Variants in CADPS observed in about 807,000 individuals in gnomAD.
CADPS encodes the protein calcium-dependent secretion activator 1.
A neutral mutation model predicts 167.3 loss-of-function variants in CADPS; 57 were observed. That is an observed-to-expected ratio of 0.34 (90% CI 0.28 to 0.42). CADPS has a LOEUF of 0.42. CADPS is among the 20% of genes least tolerant of loss of function. CADPS has a pLI of 1.00. For missense variants in CADPS, 1,414 were observed against 1,738.1 expected, an observed-to-expected ratio of 0.81 and a Z score of 3.32; for synonymous variants, 676 against 635.3, an observed-to-expected ratio of 1.06 and a Z score of -0.96.
chr3:62,837,378 C>T (rs2076044425), intron 1 of CADPS, among the ~76,000 whole-genome samples: 1 of 152,182 alleles, frequency 6.6e-6, no homozygotes. Context: ...CTCCCACTGA[C>T]CTCACAGGAC....
chr3:62,820,460 C>T (rs748772334), intron 1 of CADPS, among the ~76,000 whole-genome samples: 30 of 152,092 alleles, frequency 2.0e-4, no homozygotes, highest in Admixed American at 3.3e-4. Flanking sequence ...CTCCCTCAGT[C>T]CTATATTTTA....
chr3:62,516,231 T>C, intron 15 of CADPS, 49 bp from the exon 16 acceptor site: 1 of 1,606,628 alleles, frequency 6.2e-7, no homozygotes. Flanking sequence ...AGCAAATGTG[T>C]CACTCATCCA....
chr3:62,812,718 AG>A (rs2094444190), intron 1 of CADPS, among the ~76,000 whole-genome samples: 1 of 152,220 alleles, frequency 6.6e-6, no homozygotes, highest in Non-Finnish European at 1.5e-5. Flanking sequence ...AAGCTCTTTT[AG>A]GAAATTGATG....
At position 62,711,182 on chromosome 3, in the gene CADPS, A is replaced by G. The variant is rs151275613; in HGVS notation, c.888+42259T>C. ...GGCATCCAATTCTATTGATATACATATATCAGAATAATTTTAAACATCATT... is the reference window on the plus strand; with the variant it reads ...GGCATCCAATTCTATTGATATACATGTATCAGAATAATTTTAAACATCATT... On this transcript the variant is annotated intron_variant, in intron 3 of 29. Coordinates refer to ENST00000383710, the MANE Select transcript of CADPS (RefSeq NM_003716.4). Among the ~76,000 whole-genome samples the G allele has an allele frequency of 5.9e-5, 9 of 152,326 alleles. No individual in the cohort carries two copies. The East Asian group carries it at 1.5e-3, about 26-fold the overall frequency.
intron 21 of CADPS, 29 bp downstream of exon 21, chr3:62,491,310 T>G: frequency 6.2e-7 from 1 of 1,611,132 alleles, no homozygotes; most frequent in Non-Finnish European, 8.5e-7. Flanking sequence ...GTACCCAAAC[T>G]CCGATGGTAT....
At chr3:62,867,753 TAAC>T (rs1016302718) in intron 1 of CADPS, among the ~76,000 whole-genome samples, 2 of 152,032 alleles carry the variant, frequency 1.3e-5, no homozygotes, top group African/African-American at 4.8e-5. Context: ...AACTTAGCAA[TAAC>T]AAGAGCTGAC....
chr3:62,755,755 G>A (rs2083748042), intron 2 of CADPS, among the ~76,000 whole-genome samples: 2 of 152,158 alleles, frequency 1.3e-5, no homozygotes, highest in African/African-American at 4.8e-5. Context: ...GAGTTAATTT[G>A]AAAATTAATT....
intron 1 of CADPS, among the ~76,000 whole-genome samples, chr3:62,787,018 G>A (rs932334896): frequency 2.0e-5 from 3 of 152,080 alleles, no homozygotes; most frequent in Non-Finnish European, 4.4e-5. Flanking sequence ...CTCAAGCCGG[G>A]CATAGTGGCT....
rs757713715 is a variant in CADPS at position 62,650,895 on chromosome 3, A to G, written c.1155T>C (p.Ser385=). 6.2e-7 allele frequency: 1 copy of G among 1,613,534 alleles called. No individual in the cohort carries two copies. The change falls in exon 5 of 30, where the codon AGT becomes AGC. Residue 385 remains serine (S), a synonymous_variant. Transcript: ENST00000383710. ...NASIIDMGEE[S]ENQLSKSDVV... is the part of the protein sequence containing the mutation. ...CATCTGACTTGGAGAGCTGGTTCTC[A>G]CTCTCCTCGCCCATGTCGATGATGG...
intron 26 of CADPS, among the ~76,000 whole-genome samples, chr3:62,464,217 G>C (rs1332721216): frequency 6.6e-6 from 1 of 152,164 alleles, no homozygotes; most frequent in East Asian, 1.9e-4. Context: ...CTGAGGGGAT[G>C]GGACATTTGC....
Position 62,626,495 on chromosome 3 carries a change from G to A in CADPS, c.1325+19227C>T. On this transcript the variant is annotated intron_variant, in intron 6 of 29. Transcript: ENST00000383710. ...CAAGCACAAATCTTGTACCCCTGGA[G>A]ATGATTTGACATGGCACAAAGACGG... 2 of 702,602 alleles carry A rather than the reference G, an allele frequency of 2.8e-6. 1 individual carries two copies. Among genetic ancestry groups the A allele is most frequent in the Non-Finnish European group, 5.2e-6 (2 of 384,552 alleles). The allele number at this position is 702,602 out of a possible 1,614,324, so 43.5% of individuals were successfully genotyped here. A position where few individuals can be genotyped will look rare whatever the true frequency, so the allele number is the denominator to read the frequency against.
intron 3 of CADPS, among the ~76,000 whole-genome samples, chr3:62,707,441 C>G (rs1337870241): frequency 6.6e-6 from 1 of 152,088 alleles, no homozygotes; most frequent in Non-Finnish European, 1.5e-5. Context: ...ACCATTATAT[C>G]CATAACACTC....
At chr3:62,814,414 A>T (rs2094520715) in intron 1 of CADPS, 1 of 152,180 alleles carries the variant, frequency 6.6e-6, no homozygotes, top group East Asian at 1.9e-4. Context: ...CATATACTAA[A>T]ATTGGAAAGA....
At chr3:62,732,473 G>A (rs974172944) in intron 3 of CADPS, among the ~76,000 whole-genome samples, 3 of 152,184 alleles carry the variant, frequency 2.0e-5, no homozygotes, top group Non-Finnish European at 4.4e-5. Context: ...CAGCCTGTGA[G>A]AGACCCTGAA....
chr3:62,867,415 A>G (rs140178837), intron 1 of CADPS, among the ~76,000 whole-genome samples: 16 of 152,140 alleles, frequency 1.1e-4, no homozygotes, highest in Non-Finnish European at 1.5e-4. Context: ...AATATCTCCT[A>G]TGAATTCTAT....
intron 18 of CADPS, among the ~76,000 whole-genome samples, chr3:62,496,458 A>G (rs1344336852): frequency 6.6e-6 from 1 of 152,182 alleles, no homozygotes; most frequent in Non-Finnish European, 1.5e-5. Flanking sequence ...CGTTCTGTTT[A>G]TTCTGTTCAT....
chr3:62,855,779 C>T (rs2079560152), intron 1 of CADPS, among the ~76,000 whole-genome samples: 1 of 152,050 alleles, frequency 6.6e-6, no homozygotes, highest in Non-Finnish European at 1.5e-5. Flanking sequence ...CTCCTTAACA[C>T]ACAGCATATC....
intron 6 of CADPS, among the ~76,000 whole-genome samples, chr3:62,605,109 A>T (rs1424539688): frequency 1.3e-5 from 2 of 152,242 alleles, no homozygotes; most frequent in South Asian, 2.1e-4. Flanking sequence ...CAGAAGACTC[A>T]AAAGTTTACA....
rs772922375 is a variant in CADPS, at chr3:62,445,840, G to A, written c.3637-43C>T. 1.2e-5 allele frequency: 17 copies of A among 1,417,522 alleles called. No individual in the cohort carries two copies. In the African/African-American group the frequency reaches 2.4e-4, roughly 20 times the overall value. The allele number at this position is 1,417,522 out of a possible 1,614,324, so 87.8% of individuals were successfully genotyped here. Reference sequence around the variant, plus strand: ...GGATGGAAGTGAGGCTGGTGTTTATGTTTAATTGTTCACTGCTCAATGCTG... The same window carrying A: ...GGATGGAAGTGAGGCTGGTGTTTATATTTAATTGTTCACTGCTCAATGCTG... On this transcript the variant is annotated intron_variant, in intron 26 of 29. Coordinates refer to ENST00000383710, the MANE Select transcript of CADPS (RefSeq NM_003716.4).
Sources: allele counts gnomAD v4.1 joint callset (sites outside exome capture counted in the v4.1 genomes callset), GRCh38; gene constraint gnomAD v4.1.1; transcripts MANE v1.5; gene names NCBI Gene and HGNC (gene_info 2026-07-23, HGNC 2026-07-21).